NDUFS2: variants seen among roughly 807,000 people sequenced by gnomAD.
NDUFS2 encodes the protein NADH:ubiquinone oxidoreductase core subunit S2, also known as NADH dehydrogenase [ubiquinone] iron-sulfur protein 2, mitochondrial.
NDUFS2 carries 38 observed loss-of-function variants against 69.6 expected under a neutral mutation model. That is an observed-to-expected ratio of 0.55 (90% CI 0.42 to 0.72). The LOEUF (loss-of-function observed/expected upper bound fraction) is 0.72, where lower values mean the gene tolerates loss of function less well. Ranked by LOEUF, NDUFS2 falls within the 30% of genes least tolerant of loss-of-function variation. The probability of loss-of-function intolerance (pLI) is 0.00; values close to 1 mark genes in which losing one functional copy is unlikely to be tolerated. For missense variants in NDUFS2, 468 were observed against 595.0 expected (o/e 0.79, Z 2.22); for synonymous variants, 194 against 211.2 (o/e 0.92, Z 0.70).
intron 1 of NDUFS2, 40 bp from the exon 2 acceptor site, chr1:161,203,397 G>C: frequency 3.2e-6 from 5 of 1,551,612 alleles, no homozygotes; most frequent in Non-Finnish European, 4.5e-6. Flanking sequence ...ACCAAACACT[G>C]TTCAGGCCCT....
At chr1:161,209,714 G>A in intron 5 of NDUFS2, 119 bp downstream of exon 5, 1 of 1,201,332 alleles carries the variant, frequency 8.3e-7, no homozygotes, top group Non-Finnish European at 1.2e-6. Flanking sequence ...GAGGGGGAAG[G>A]TATGTTTAAC....
chr1:161,213,756 T>A (rs768918553), intron 12 of NDUFS2, 24 bp downstream of exon 12: 5 of 1,613,700 alleles, frequency 3.1e-6, no homozygotes, highest in Non-Finnish European at 4.2e-6. Context: ...CCAGTAACTA[T>A]AACTCCAATG....
intron 2 of NDUFS2, among the ~76,000 whole-genome samples, chr1:161,206,157 A>G (rs1665447004): frequency 6.6e-6 from 1 of 151,216 alleles, no homozygotes; most frequent in African/African-American, 2.4e-5. Flanking sequence ...CACACTGACT[A>G]TGAACCATGA....
At chr1:161,214,101 GC>G (rs1276191329) in intron 13 of NDUFS2, 54 bp from the exon 14 acceptor site, 1 of 1,613,704 alleles carries the variant, frequency 6.2e-7, no homozygotes, top group Non-Finnish European at 8.5e-7. Context: ...TGTTTGTTTT[GC>G]CTCACAACAG....
intron 10 of NDUFS2, among the ~76,000 whole-genome samples, chr1:161,212,936 C>T (rs114741780): frequency 0.011 from 1,717 of 151,890 alleles, 30 homozygotes; most frequent in South Asian, 0.051. Context: ...GACGGTGTCA[C>T]GCTCTTTCAC....
intron 2 of NDUFS2, among the ~76,000 whole-genome samples, chr1:161,204,471 C>A (rs538037432): frequency 1.3e-5 from 2 of 152,202 alleles, no homozygotes; most frequent in South Asian, 2.1e-4. Context: ...TTGTATTAGA[C>A]CCTGATTATT....
chr1:161,198,986 GTC>G (rs967700902), upstream of NDUFS2: 9 of 230,604 alleles, frequency 3.9e-5, no homozygotes, highest in Non-Finnish European at 6.7e-5. The surrounding 1 kb of genome is among the most constrained non-coding windows in gnomAD (Gnocchi z 4.7). Flanking sequence ...CTGTGCCTTT[GTC>G]TCTGTCTCTT....
chr1:161,198,596 C>A, upstream of NDUFS2: 2 of 1,542,504 alleles, frequency 1.3e-6, no homozygotes, highest in Non-Finnish European at 1.8e-6. This position sits in a 1 kb window ranked among gnomAD's most constrained non-coding sequence, Gnocchi z 4.7. Flanking sequence ...CCCTGCCAAG[C>A]CCCTCCCGGG....
chr1:161,198,315 C>T (rs144354289), upstream of NDUFS2: 148 of 1,613,204 alleles, frequency 9.2e-5, 1 homozygote, highest in South Asian at 1.3e-3. The surrounding 1 kb of genome is among the most constrained non-coding windows in gnomAD (Gnocchi z 4.7). Flanking sequence ...GTCAGCCCCT[C>T]GACCTGCACA....
chr1:161,198,155 G>A (rs1558077952), upstream of NDUFS2: 1 of 1,614,002 alleles, frequency 6.2e-7, no homozygotes, highest in Admixed American at 1.7e-5. This position sits in a 1 kb window ranked among gnomAD's most constrained non-coding sequence, Gnocchi z 4.7. Context: ...GTGGAGTTCA[G>A]CCCCCCGATA....
At chr1:161,207,976 ATTTTTTTTTTTTT>A (rs965466967) in intron 3 of NDUFS2, among the ~76,000 whole-genome samples, 2 of 88,780 alleles carry the variant, frequency 2.3e-5, no homozygotes, top group African/African-American at 1.2e-4. Flanking sequence ...TGCCTGGCTA[ATTTTTTTTTTTTT>A]TTTTTTTTTT....
intron 8 of NDUFS2, 55 bp from the exon 9 acceptor site, chr1:161,210,525 AGGAAGAAGGAG>A: frequency 6.2e-6 from 10 of 1,611,318 alleles, no homozygotes; most frequent in African/African-American, 4.0e-5. Context: ...AGGGAGGCTA[AGGAAGAAGGAG>A]CCTCCTTACT....
intron 1 of NDUFS2, among the ~76,000 whole-genome samples, chr1:161,203,043 A>C (rs1434837796): frequency 6.6e-6 from 1 of 152,114 alleles, no homozygotes; most frequent in Non-Finnish European, 1.5e-5. Context: ...GCGGTGGCTC[A>C]CACCTGTAAT....
Position 161,213,748 on chromosome 1 carries a change from A to G in NDUFS2, c.1296+16A>G, listed in dbSNP as rs752748462. The G allele has an allele frequency of 1.3e-5, 21 of 1,613,946 alleles. No homozygotes were observed. The highest frequency in any genetic ancestry group is 1.7e-5 in the Non-Finnish European group (20 of 1,179,918). ...TGCCCATCTGGTAAGAATCAATCCC[A>G]GTAACTATAACTCCAATGAATTAAA... is the stretch of plus-strand genomic sequence containing the variant. On this transcript the variant is annotated intron_variant, in intron 12 of 13. Transcript: ENST00000676972.
rs886045468 is a variant in NDUFS2, at chr1:161,214,299, G to GTA, written c.*108_*109dup. 4 of 1,031,030 alleles carry GTA rather than the reference G, an allele frequency of 3.9e-6. No individual in the cohort carries two copies. The highest frequency in any genetic ancestry group is 1.3e-5 in the South Asian group (1 of 75,922). The allele number at this position is 1,031,030 out of a possible 1,614,324, so 63.9% of individuals were successfully genotyped here. On this transcript the variant is annotated 3_prime_UTR_variant, in exon 14 of 14. Transcript: ENST00000676972. ...TGTGTGTGTGTGTGTGTGTGTGTGTGTATGTTCATGTACACTTGGCTGTCA... is the reference window on the plus strand; with the variant it reads ...TGTGTGTGTGTGTGTGTGTGTGTGTGTATATGTTCATGTACACTTGGCTGTCA...
intron 2 of NDUFS2, 85 bp from the exon 3 acceptor site, chr1:161,206,322 T>G: frequency 7.2e-7 from 1 of 1,387,092 alleles, no homozygotes; most frequent in Middle Eastern, 1.9e-4. Context: ...TTAGAAAATC[T>G]ATAGGGAGAG....
chr1:161,209,838 C>A lies in NDUFS2; in HGVS notation c.628-19C>A. 1 of 1,612,588 alleles carries A rather than the reference C, an allele frequency of 6.2e-7. No individual in the cohort carries two copies. Among genetic ancestry groups the A allele is most frequent in the South Asian group, 1.1e-5 (1 of 90,778 alleles). ...GGGGCCTGGGACTTTGACACTAATTCCCAGCACGTTCTATGAAGATGTTTG... is the reference window on the plus strand; with the variant it reads ...GGGGCCTGGGACTTTGACACTAATTACCAGCACGTTCTATGAAGATGTTTG... On this transcript the variant is annotated intron_variant, in intron 5 of 13. Coordinates refer to ENST00000676972, the MANE Select transcript of NDUFS2 (RefSeq NM_001377299.1).
At chr1:161,197,853 C>G, upstream of NDUFS2, 2 of 1,302,492 alleles carry the variant, frequency 1.5e-6, no homozygotes, top group African/African-American at 3.0e-5. Flanking sequence ...AGAAAGGAGG[C>G]TCATGGAGAA....
intron 2 of NDUFS2, chr1:161,203,938 T>C (rs914155558): frequency 6.4e-6 from 2 of 313,092 alleles, no homozygotes; most frequent in South Asian, 5.7e-5. Context: ...CTCTCTGTCT[T>C]AGGCAAATTT....
Sources: allele counts gnomAD v4.1 joint callset (sites outside exome capture counted in the v4.1 genomes callset), GRCh38; gene constraint gnomAD v4.1.1; non-coding constraint Gnocchi (gnomAD v3.1); transcripts MANE v1.5; gene names NCBI Gene and HGNC (gene_info 2026-07-23, HGNC 2026-07-21).